The following NT5DC3 variants were observed in gnomAD, a reference collection of about 807,000 sequenced individuals.
The protein encoded by NT5DC3 is 5'-nucleotidase domain containing 3.
Under a neutral mutation model 67.8 loss-of-function variants are expected in NT5DC3, and 42 were observed. The ratio of observed to expected loss-of-function variants is 0.62; its 90% CI spans 0.48 to 0.80. NT5DC3 has a LOEUF of 0.80. Among genes scored for constraint, NT5DC3 ranks in the 30% least tolerant of loss-of-function variants. NT5DC3 has a pLI of 0.00. For synonymous variants in NT5DC3, 237 were observed against 255.6 expected (o/e 0.93, Z 0.69); for missense variants, 570 against 696.4 (o/e 0.82, Z 2.04).
At chr12:103,754,796 A>C in the NT5DC3 span, among the ~76,000 whole-genome samples, 1 of 152,176 alleles carries the variant, frequency 6.6e-6, no homozygotes, top group African/African-American at 2.4e-5. Flanking sequence ...AAATACAAAA[A>C]TTAGCTGCAC....
intron 13 of NT5DC3, 57 bp from the exon 14 acceptor site, chr12:103,778,138 T>A: frequency 6.6e-7 from 1 of 1,505,418 alleles, no homozygotes. Flanking sequence ...TCCTTGTTTT[T>A]AAACTACTGA....
chr12:103,838,132 A>T (rs1336270784), intron 1 of NT5DC3, among the ~76,000 whole-genome samples: 1 of 152,212 alleles, frequency 6.6e-6, no homozygotes, highest in East Asian at 1.9e-4. Context: ...TGATAAACTC[A>T]TCAGATCTCA....
chr12:103,767,413 G>C (rs1456066088), downstream of NT5DC3, among the ~76,000 whole-genome samples: 1 of 152,174 alleles, frequency 6.6e-6, no homozygotes, highest in Admixed American at 6.5e-5. Context: ...AGGGGAATGA[G>C]GAGTGACTGC....
chr12:103,808,016 G>A (rs546461128), intron 2 of NT5DC3, among the ~76,000 whole-genome samples: 21 of 152,202 alleles, frequency 1.4e-4, no homozygotes, highest in East Asian at 3.9e-4. Flanking sequence ...CCAGTTCCCC[G>A]GGTATTTCCT....
At chr12:103,751,664 G>T in the NT5DC3 span, among the ~76,000 whole-genome samples, 1 of 152,148 alleles carries the variant, frequency 6.6e-6, no homozygotes, top group Non-Finnish European at 1.5e-5. Flanking sequence ...TTTGCCCCTG[G>T]GACTGTGAAG....
chr12:103,758,237 C>G, the NT5DC3 span: 1 of 1,614,012 alleles, frequency 6.2e-7, no homozygotes, highest in Non-Finnish European at 8.5e-7. Context: ...ACTGACCTGT[C>G]CATCCGCGGC....
At chr12:103,824,863 C>T (rs937281979) in intron 1 of NT5DC3, among the ~76,000 whole-genome samples, 1 of 149,064 alleles carries the variant, frequency 6.7e-6, no homozygotes, top group African/African-American at 2.5e-5. Context: ...TGAGATCATA[C>T]AACCTGTAGT....
the NT5DC3 span, among the ~76,000 whole-genome samples, chr12:103,757,746 C>T: frequency 6.6e-6 from 1 of 152,206 alleles, no homozygotes; most frequent in Admixed American, 6.5e-5. Flanking sequence ...CCCCATATGG[C>T]TGGAACAGAG....
In NT5DC3 at chr12:103,806,361, A is replaced by C. The variant is rs769077967; in HGVS notation, c.485T>G (p.Ile162Ser). 1.2e-6 allele frequency: 2 copies of C among 1,602,512 alleles called. No homozygotes were observed. Among genetic ancestry groups the C allele is most frequent in the Non-Finnish European group, 1.7e-6 (2 of 1,169,518 alleles). The change falls in exon 4 of 14, where the codon ATC becomes AGC. Residue 162 changes from isoleucine (I) to serine (S), a missense_variant. Coordinates refer to ENST00000392876, the MANE Select transcript of NT5DC3 (RefSeq NM_001031701.3). ...CAGCTGGATATAATGAAAAGCATCGATCTTCATTAATACTGCCTTTAAAAA... is the reference window on the plus strand; with the variant it reads ...CAGCTGGATATAATGAAAAGCATCGCTCTTCATTAATACTGCCTTTAAAAA... ...YDVQRAVLMK[I>S]DAFHYIQLGT...
intron 1 of NT5DC3, among the ~76,000 whole-genome samples, chr12:103,837,222 G>A (rs985393069): frequency 3.9e-5 from 6 of 152,250 alleles, no homozygotes; most frequent in Non-Finnish European, 8.8e-5. Flanking sequence ...AGCCACAGCT[G>A]GAGCAGCTAG....
chr12:103,822,573 C>T (rs1310371645), intron 1 of NT5DC3, among the ~76,000 whole-genome samples: 1 of 152,196 alleles, frequency 6.6e-6, no homozygotes, highest in African/African-American at 2.4e-5. Context: ...AGTAAGAAGT[C>T]ATTTTCCTCT....
chr12:103,796,312 T>C lies in NT5DC3; in HGVS notation c.753+582A>G, dbSNP rs192524350. On this transcript the variant is annotated intron_variant, in intron 6 of 13. Coordinates refer to ENST00000392876, the MANE Select transcript of NT5DC3 (RefSeq NM_001031701.3). The stretch of plus-strand genomic sequence containing the variant: ...TGGGAGGATCACTTGAGGTTAGGAG[T>C]TGGAGACTAGCCTGGCCAACATGGT... Among the ~76,000 whole-genome samples, 251 of 151,526 alleles carry C rather than the reference T, an allele frequency of 1.7e-3. 7 individuals carry two copies. Among genetic ancestry groups the C allele is most frequent in the Admixed American group, 0.015 (228 of 15,208 alleles).
At chr12:103,785,047 C>G (rs1341232289) in intron 12 of NT5DC3, among the ~76,000 whole-genome samples, 1 of 152,190 alleles carries the variant, frequency 6.6e-6, no homozygotes, top group Non-Finnish European at 1.5e-5. Flanking sequence ...GACTCAAGCA[C>G]TGGCAGGGCT....
intron 4 of NT5DC3, among the ~76,000 whole-genome samples, chr12:103,805,617 A>T (rs1886764139): frequency 6.6e-6 from 1 of 152,112 alleles, no homozygotes; most frequent in Non-Finnish European, 1.5e-5. Flanking sequence ...AGCCTGAGGC[A>T]GGCAGATCAC....
In NT5DC3 at chr12:103,775,694, GC is replaced by G. The variant is rs1288070397; in HGVS notation, c.*2134del. The G allele has an allele frequency of 6.8e-6, 1 of 146,210 alleles. No homozygotes were observed. The highest frequency in any genetic ancestry group is 2.5e-5 in the African/African-American group (1 of 40,386). The allele number at this position is 146,210 out of a possible 1,614,324, so 9.1% of individuals were successfully genotyped here. A position where few individuals can be genotyped will look rare whatever the true frequency, so the allele number is the denominator to read the frequency against. On this transcript the variant is annotated 3_prime_UTR_variant, in exon 14 of 14. Transcript: ENST00000392876. ...TTCCAAAAAAAGAACATACTACTGT[GC>G]CTTACTGTGTTCATAACAAAATGTA...
chr12:103,764,339 G>C, the NT5DC3 span, among the ~76,000 whole-genome samples: 1 of 152,148 alleles, frequency 6.6e-6, no homozygotes, highest in African/African-American at 2.4e-5. Flanking sequence ...CTTGCTTTTG[G>C]AGCTACTTTT....
chr12:103,785,798 AG>A (rs1885746635), intron 11 of NT5DC3: 1 of 480,754 alleles, frequency 2.1e-6, no homozygotes, highest in Non-Finnish European at 3.9e-6. Flanking sequence ...AGGGGCAGAA[AG>A]GGGCTTGACC....
intron 1 of NT5DC3, among the ~76,000 whole-genome samples, chr12:103,835,955 C>T (rs1390034744): frequency 1.3e-5 from 2 of 152,082 alleles, no homozygotes; most frequent in Admixed American, 6.6e-5. Flanking sequence ...TCTCACATGG[C>T]GGCAGCAACA....
intron 2 of NT5DC3, among the ~76,000 whole-genome samples, chr12:103,808,478 G>A (rs540249866): frequency 6.6e-6 from 1 of 152,326 alleles, no homozygotes; most frequent in African/African-American, 2.4e-5. Context: ...ATATTTCATA[G>A]CCAGGGTTCC....
Sources: allele counts gnomAD v4.1 joint callset (sites outside exome capture counted in the v4.1 genomes callset), GRCh38; gene constraint gnomAD v4.1.1; transcripts MANE v1.5; gene names NCBI Gene and HGNC (gene_info 2026-07-23, HGNC 2026-07-21).